The following LHFPL6 variants were observed in gnomAD, a reference collection of about 807,000 sequenced individuals.
LHFPL6 encodes LHFPL tetraspan subfamily member 6 protein.
LHFPL6 carries 9 observed loss-of-function variants against 20.6 expected under a neutral mutation model. The ratio of observed to expected loss-of-function variants is 0.44; its 90% CI spans 0.26 to 0.76. The LOEUF is 0.76. LHFPL6 is among the 30% of genes least tolerant of loss of function. The pLI is 0.20. For missense variants in LHFPL6, 218 were observed against 253.5 expected (o/e 0.86, Z 0.95); for synonymous variants, 105 against 98.7 (o/e 1.06, Z -0.38).
intron 2 of LHFPL6, among the ~76,000 whole-genome samples, chr13:39,415,605 C>A (rs1871328532): frequency 6.6e-6 from 1 of 152,142 alleles, no homozygotes; most frequent in Non-Finnish European, 1.5e-5. Context: ...GGTGCCCCAC[C>A]AGACTGAACT....
At chr13:39,470,479 T>C (rs1450357524) in intron 2 of LHFPL6, among the ~76,000 whole-genome samples, 1 of 152,142 alleles carries the variant, frequency 6.6e-6, no homozygotes, top group African/African-American at 2.4e-5. Flanking sequence ...CTTTTTAAAT[T>C]ATAAACACAG....
chr13:39,381,405 A>C (rs1005855861), intron 2 of LHFPL6, among the ~76,000 whole-genome samples: 4 of 152,148 alleles, frequency 2.6e-5, no homozygotes, highest in African/African-American at 7.2e-5. Context: ...TTTTTGTGAT[A>C]CTGTAACCAG....
chr13:39,569,992 T>C (rs186760907), intron 2 of LHFPL6, among the ~76,000 whole-genome samples: 14 of 152,308 alleles, frequency 9.2e-5, no homozygotes, highest in Non-Finnish European at 1.9e-4. Flanking sequence ...AGGAAATTCT[T>C]ACATTCTTTT....
intron 2 of LHFPL6, among the ~76,000 whole-genome samples, chr13:39,405,849 C>G (rs1871102336): frequency 6.6e-6 from 1 of 152,174 alleles, no homozygotes; most frequent in South Asian, 2.1e-4. Flanking sequence ...GAAGGACACA[C>G]AAGATTAGTC....
chr13:39,364,852 T>TGGCCA (rs1284922189), intron 3 of LHFPL6, among the ~76,000 whole-genome samples: 1 of 152,324 alleles, frequency 6.6e-6, no homozygotes, highest in East Asian at 1.9e-4. Flanking sequence ...GCTGAGTATC[T>TGGCCA]GCTAGCACAG....
At chr13:39,477,764 G>T (rs2138442153) in intron 2 of LHFPL6, among the ~76,000 whole-genome samples, 1 of 152,236 alleles carries the variant, frequency 6.6e-6, no homozygotes, top group Admixed American at 6.5e-5. Context: ...GTAACTTTTG[G>T]GAGAATAAAA....
intron 3 of LHFPL6, among the ~76,000 whole-genome samples, chr13:39,362,034 T>C (rs186831070): frequency 5.9e-5 from 9 of 152,368 alleles, no homozygotes; most frequent in Admixed American, 2.0e-4. Flanking sequence ...CTTTTCTATA[T>C]ATCTAAAATT....
chr13:39,418,932 C>T (rs1209940791), intron 2 of LHFPL6, among the ~76,000 whole-genome samples: 2 of 152,204 alleles, frequency 1.3e-5, no homozygotes, highest in African/African-American at 4.8e-5. Flanking sequence ...TAGTGATACA[C>T]AAATATTGCT....
At chr13:39,382,020 T>C (rs1008795917) in intron 2 of LHFPL6, among the ~76,000 whole-genome samples, 2 of 152,150 alleles carry the variant, frequency 1.3e-5, no homozygotes, top group Non-Finnish European at 2.9e-5. Flanking sequence ...TACTCCTAAA[T>C]TAGGTTTTCT....
At chr13:39,426,934 T>C (rs1871655151) in intron 2 of LHFPL6, among the ~76,000 whole-genome samples, 1 of 152,160 alleles carries the variant, frequency 6.6e-6, no homozygotes, top group Non-Finnish European at 1.5e-5. Context: ...AATTTTTGTA[T>C]ATGCTGTGAG....
intron 2 of LHFPL6, among the ~76,000 whole-genome samples, chr13:39,396,668 C>T (rs1222637225): frequency 2.0e-5 from 3 of 152,096 alleles, no homozygotes; most frequent in African/African-American, 7.2e-5. Flanking sequence ...TGGTGTGTGC[C>T]TGTGGTCCCA....
intron 3 of LHFPL6, among the ~76,000 whole-genome samples, chr13:39,347,651 TC>T (rs1240753493): frequency 6.6e-6 from 1 of 151,930 alleles, no homozygotes; most frequent in Non-Finnish European, 1.5e-5. Context: ...GGTAACCGAG[TC>T]CCCCTTCACA....
intron 2 of LHFPL6, among the ~76,000 whole-genome samples, chr13:39,574,789 G>T (rs1273293759): frequency 6.6e-6 from 1 of 151,914 alleles, no homozygotes; most frequent in Non-Finnish European, 1.5e-5. Context: ...AAAACAGGTG[G>T]GGCCAGGAGT....
At chr13:39,451,604 A>G (rs563183765) in intron 2 of LHFPL6, among the ~76,000 whole-genome samples, 2 of 152,332 alleles carry the variant, frequency 1.3e-5, no homozygotes, top group African/African-American at 4.8e-5. Flanking sequence ...TTAAAGTAGT[A>G]TGTTTAGAAA....
At chr13:39,500,733 G>A (rs1034765959) in intron 2 of LHFPL6, among the ~76,000 whole-genome samples, 6 of 151,986 alleles carry the variant, frequency 3.9e-5, no homozygotes, top group Non-Finnish European at 7.4e-5. Context: ...TGTATACTAC[G>A]CCTCTTGATA....
At chr13:39,410,656 T>C (rs1871223539) in intron 2 of LHFPL6, among the ~76,000 whole-genome samples, 1 of 152,210 alleles carries the variant, frequency 6.6e-6, no homozygotes, top group Non-Finnish European at 1.5e-5. Flanking sequence ...ATATTTCTCA[T>C]GTTCTGGAGA....
chr13:39,545,670 C>G (rs1870959122), intron 2 of LHFPL6, among the ~76,000 whole-genome samples: 3 of 151,956 alleles, frequency 2.0e-5, no homozygotes, highest in African/African-American at 7.3e-5. Context: ...TTGAATATAC[C>G]CTACATACAT....
intron 2 of LHFPL6, among the ~76,000 whole-genome samples, chr13:39,498,898 C>T (rs1869185759): frequency 6.6e-6 from 1 of 152,116 alleles, no homozygotes; most frequent in South Asian, 2.1e-4. Flanking sequence ...CCTTGCTCTG[C>T]CATCCAGGCT....
At chr13:39,452,834 C>G (rs998336752) in intron 2 of LHFPL6, among the ~76,000 whole-genome samples, 1 of 152,182 alleles carries the variant, frequency 6.6e-6, no homozygotes. Flanking sequence ...ATAGGGCATC[C>G]TAGTCTTTTT....
Sources: allele counts gnomAD v4.1 joint callset (sites outside exome capture counted in the v4.1 genomes callset), GRCh38; gene constraint gnomAD v4.1.1; transcripts MANE v1.5; gene names NCBI Gene and HGNC (gene_info 2026-07-23, HGNC 2026-07-21).